The following MYH4 variants were observed in gnomAD, a reference collection of about 807,000 sequenced individuals.
MYH4 encodes the protein myosin-4.
Under a neutral mutation model 229.9 loss-of-function variants are expected in MYH4, and 200 were observed. The ratio of observed to expected loss-of-function variants is 0.87; its 90% CI spans 0.78 to 0.98. The LOEUF (loss-of-function observed/expected upper bound fraction) is 0.98, where lower values mean the gene tolerates loss of function less well. Among genes scored for constraint, MYH4 ranks in the 50% least tolerant of loss-of-function variants. The probability of loss-of-function intolerance (pLI) is 0.00; values close to 1 mark genes in which losing one functional copy is unlikely to be tolerated. For missense variants in MYH4, 2,148 were observed against 2,332.6 expected, an observed-to-expected ratio of 0.92 and a Z score of 1.63; for synonymous variants, 761 against 834.6, an observed-to-expected ratio of 0.91 and a Z score of 1.52.
In MYH4 at chr17:10,455,875, G is replaced by A; in HGVS notation, c.1995C>T (p.Asn665=). ...CAAAGTGGGGGTGAGTGCTCCTCAA[G>A]TTGGTCATCAGCTTATTCAAATTCT... ...FRENLNKLMT[N]LRSTHPHFVR... The change falls in exon 18 of 40, where the codon AAC becomes AAT. Residue 665 remains asparagine, a synonymous_variant. Coordinates refer to ENST00000255381, the MANE Select transcript of MYH4 (RefSeq NM_017533.2). 2.5e-6 allele frequency: 4 copies of A among 1,614,184 alleles called. No homozygotes were observed. The highest frequency in any genetic ancestry group is 3.4e-6 in the Non-Finnish European group (4 of 1,180,034).
intron 15 of MYH4, among the ~76,000 whole-genome samples, 172 bp from the exon 16 acceptor site, chr17:10,457,901 C>T (rs1053194657): frequency 6.6e-5 from 10 of 152,164 alleles, no homozygotes; most frequent in African/African-American, 2.4e-4. Context: ...GGGAAATATA[C>T]TTGCTAGAAA....
chr17:10,448,419 G>A lies in MYH4; in HGVS notation c.4633C>T (p.Gln1545Ter). The change falls in exon 33 of 40, where the codon CAG becomes TAG. Residue 1545 changes from glutamine (Q) to a stop codon, truncating the protein, a stop_gained. Transcript: ENST00000255381. LOFTEE classifies it high-confidence loss of function. The stretch of plus-strand genomic sequence containing the variant: ...ACCTCTGCTTCCTCTAGGGAAGTCT[G>A]TAGTTCACTCTTCTCATGATCAAGT... ...KQLDHEKSEL[Q>*]TSLEEAEASL... is the part of the protein sequence containing the mutation. 6.2e-7 allele frequency: 1 copy of A among 1,613,782 alleles called. No individual in the cohort carries two copies.
rs199837494 is a variant in MYH4 at position 10,450,496 on chromosome 17, C to T, written c.4138G>A (p.Glu1380Lys). The change falls in exon 30 of 40, where the codon GAG becomes AAG. Residue 1380 changes from glutamate (E) to lysine (K), a missense_variant. Glu to Lys is a moderately conservative substitution (Grantham distance 56). Coordinates refer to ENST00000255381, the MANE Select transcript of MYH4 (RefSeq NM_017533.2). ...SEVAQWRTKY[E>K]TDAIQRTEEL... is the part of the protein sequence containing the mutation. The stretch of plus-strand genomic sequence containing the variant: ...TCTGTGCGCTGGATGGCGTCCGTCT[C>T]GTACTTGGTCCTCCACTGGGCAACC... 2.5e-5 allele frequency: 40 copies of T among 1,614,064 alleles called. No individual in the cohort carries two copies. Among genetic ancestry groups the T allele is most frequent in the East Asian group, 4.5e-5 (2 of 44,878 alleles).
intron 33 of MYH4, 128 bp downstream of exon 33, chr17:10,448,268 G>T (rs1359573858): frequency 1.5e-6 from 2 of 1,317,620 alleles, no homozygotes; most frequent in East Asian, 2.5e-5. Flanking sequence ...CATTCTCAAG[G>T]TACAATTCAG....
chr17:10,452,883 C>T lies in MYH4; in HGVS notation c.3161G>A (p.Arg1054Lys). The change falls in exon 25 of 40, where the codon AGA becomes AAA. Residue 1054 changes from arginine to lysine, a missense_variant. Coordinates refer to ENST00000255381, the MANE Select transcript of MYH4 (RefSeq NM_017533.2). ...GTCACCCTCCAGTTTTCTCTTGGCT[C>T]TTTCTAAGTCCATGCAAAGTTTCTT... Reference protein sequence around the residue: ...QEKKLCMDLERAKRKLEGDLK... With the variant: ...QEKKLCMDLEKAKRKLEGDLK... 1.2e-6 allele frequency: 2 copies of T among 1,605,138 alleles called. No individual in the cohort carries two copies. Among genetic ancestry groups the T allele is most frequent in the Non-Finnish European group, 1.7e-6 (2 of 1,178,358 alleles).
Position 10,464,690 on chromosome 17 carries a change from A to T in MYH4, c.524T>A (p.Ile175Asn). Residue 175 changes from isoleucine (I) to asparagine (N), a missense_variant, in exon 6 of 40, where the codon ATC becomes AAC. By Grantham distance (149) the Ile-to-Asn change is moderately radical. Transcript: ENST00000255381. ...AACGAAATCTACATACGTAATCAAG[A>T]TTGACTGGTTTTCACGATCTGTAAA... The part of the protein sequence containing the change: ...FMLTDRENQS[I>N]LITGESGAGK... The T allele has an allele frequency of 6.2e-7, 1 of 1,613,876 alleles. No individual in the cohort carries two copies. The highest frequency in any genetic ancestry group is 8.5e-7 in the Non-Finnish European group (1 of 1,179,790).
chr17:10,463,493 C>T (rs997895136), intron 8 of MYH4, 58 bp downstream of exon 8: 2 of 1,575,802 alleles, frequency 1.3e-6, no homozygotes, highest in Non-Finnish European at 1.7e-6. Flanking sequence ...AATATTGACA[C>T]CACATGCACA....
chr17:10,461,642 A>G (rs898242150), intron 11 of MYH4, among the ~76,000 whole-genome samples: 2 of 152,168 alleles, frequency 1.3e-5, no homozygotes, highest in Non-Finnish European at 2.9e-5. Flanking sequence ...TGCCTGGGGT[A>G]GCAAACTTTA....
chr17:10,451,826 T>G, intron 27 of MYH4, 115 bp downstream of exon 27: 1 of 1,340,936 alleles, frequency 7.5e-7, no homozygotes, highest in Middle Eastern at 2.1e-4. Context: ...GGAGTAAGTT[T>G]AAGCTTCAGA....
At position 10,444,793 on chromosome 17, in the gene MYH4, A is replaced by T. The variant is rs1348068304; in HGVS notation, c.5571+2T>A. 1 of 1,613,942 alleles carries T rather than the reference A, an allele frequency of 6.2e-7. No homozygotes were observed. Among genetic ancestry groups the T allele is most frequent in the Non-Finnish European group, 8.5e-7 (1 of 1,179,892 alleles). On this transcript the variant is annotated splice_donor_variant, in intron 38 of 39. Coordinates refer to ENST00000255381, the MANE Select transcript of MYH4 (RefSeq NM_017533.2). LOFTEE classifies it high-confidence loss of function. ...CCTGGAAGATATGAAAACACTGGTC[A>T]CCTGGTAAGTGAGTTCCTTCACTCT... is the stretch of plus-strand genomic sequence containing the variant.
intron 15 of MYH4, among the ~76,000 whole-genome samples, chr17:10,459,044 A>T (rs1188943699): frequency 6.6e-6 from 1 of 152,204 alleles, no homozygotes; most frequent in Non-Finnish European, 1.5e-5. Flanking sequence ...ATGCGAATCC[A>T]TATGTGTGTG....
chr17:10,455,920 A>C lies in MYH4; in HGVS notation c.1969-19T>G. On this transcript the variant is annotated intron_variant, in intron 17 of 39. Transcript: ENST00000255381. ...AATTCTCCTGTGGAACCATATGAAAAGTTTTAAAATCATTTCTAGTTGCAT... is the reference window on the plus strand; with the variant it reads ...AATTCTCCTGTGGAACCATATGAAACGTTTTAAAATCATTTCTAGTTGCAT... The C allele has an allele frequency of 6.2e-7, 1 of 1,614,084 alleles. No individual in the cohort carries two copies.
rs1467462249 is a variant in MYH4, at chr17:10,463,567, T to C, written c.725A>G (p.Asp242Gly). 2 of 1,612,862 alleles carry C rather than the reference T, an allele frequency of 1.2e-6. No homozygotes were observed. The highest frequency in any genetic ancestry group is 1.7e-4 in the Middle Eastern group (1 of 6,060). ...GAGACTTACAAAGCGAGAGGAGTTG[T>C]CATTCCTCACGGTCTTGGCATTGCC... Reference protein sequence around the residue: ...AFGNAKTVRNDNSSRFGKFIR... With the variant: ...AFGNAKTVRNGNSSRFGKFIR... The change falls in exon 8 of 40, where the codon GAC (aspartate) becomes GGC (glycine). Residue 242 changes from aspartate (D) to glycine (G), a missense_variant. Asp to Gly is a moderately conservative substitution (Grantham distance 94). Coordinates refer to ENST00000255381, the MANE Select transcript of MYH4 (RefSeq NM_017533.2).
chr17:10,464,193 A>C (rs1597424118), intron 7 of MYH4, among the ~76,000 whole-genome samples: 1 of 152,102 alleles, frequency 6.6e-6, no homozygotes, highest in East Asian at 1.9e-4. Context: ...AGTAGTCTCC[A>C]GTGTCTATTC....
At chr17:10,468,991 C>T (rs989453099) in intron 2 of MYH4, among the ~76,000 whole-genome samples, 11 of 152,276 alleles carry the variant, frequency 7.2e-5, no homozygotes, top group African/African-American at 2.2e-4. Context: ...TTTTATCATG[C>T]GGTCTCTCTG....
In MYH4 at chr17:10,467,673, T is replaced by C. The variant is rs1174114832; in HGVS notation, c.-39-889A>G. The stretch of plus-strand genomic sequence containing the variant: ...GATTCTTATTTTCTTAGGTTTATAA[T>C]CTCGTTCTTTCTTCTCCTCTTTTTA... On this transcript the variant is annotated intron_variant, in intron 2 of 39. Transcript: ENST00000255381. 2.0e-5 allele frequency among the ~76,000 whole-genome samples: 3 copies of C among 152,256 alleles called. No homozygotes were observed. The East Asian group carries it at 5.8e-4, about 29-fold the overall frequency.
At chr17:10,465,955 T>A (rs1446325623) in intron 4 of MYH4, among the ~76,000 whole-genome samples, 1 of 151,354 alleles carries the variant, frequency 6.6e-6, no homozygotes, top group East Asian at 2.0e-4. Flanking sequence ...TTTGTATTTT[T>A]AGTAGAGACG....
chr17:10,465,646 T>C, intron 4 of MYH4, 48 bp from the exon 5 acceptor site: 1 of 1,610,818 alleles, frequency 6.2e-7, no homozygotes, highest in South Asian at 1.1e-5. Flanking sequence ...CTTGTTTATC[T>C]ATCTTGGAAA....
intron 2 of MYH4, 95 bp from the exon 3 acceptor site, chr17:10,466,879 T>A: frequency 1.8e-6 from 2 of 1,136,676 alleles, no homozygotes; most frequent in Non-Finnish European, 2.5e-6. Flanking sequence ...TCCATGCTTG[T>A]TTCCTCACCC....
Sources: allele counts gnomAD v4.1 joint callset (sites outside exome capture counted in the v4.1 genomes callset), GRCh38; gene constraint gnomAD v4.1.1; transcripts MANE v1.5; gene names NCBI Gene and HGNC (gene_info 2026-07-23, HGNC 2026-07-21).